PLCB1: variants seen among roughly 807,000 people sequenced by gnomAD.
The protein encoded by PLCB1 is 1-phosphatidylinositol 4,5-bisphosphate phosphodiesterase beta-1.
Under a neutral mutation model 161.8 loss-of-function variants are expected in PLCB1, and 46 were observed. That is an observed-to-expected ratio of 0.28 (90% CI 0.22 to 0.36). The LOEUF is 0.36. PLCB1 is among the 10% of genes least tolerant of loss of function. The pLI, the probability that PLCB1 is intolerant of heterozygous loss-of-function variation, is 1.00. For synonymous variants in PLCB1, 517 were observed against 503.7 expected, an observed-to-expected ratio of 1.03 and a Z score of -0.35; for missense variants, 1,016 against 1,472.5, an observed-to-expected ratio of 0.69 and a Z score of 5.07.
At chr20:8,343,095 A>G (rs1368360960) in intron 2 of PLCB1, among the ~76,000 whole-genome samples, 2 of 152,102 alleles carry the variant, frequency 1.3e-5, no homozygotes, top group African/African-American at 2.4e-5. Context: ...CTTTTAGGAT[A>G]TTGTTGTTCA....
At chr20:8,674,126 C>G (rs1324020255) in intron 9 of PLCB1, among the ~76,000 whole-genome samples, 2 of 152,174 alleles carry the variant, frequency 1.3e-5, no homozygotes, top group African/African-American at 4.8e-5. Flanking sequence ...CTAAGACACT[C>G]CATCCTCATG....
At chr20:8,696,157 T>C (rs1990579178) in intron 10 of PLCB1, among the ~76,000 whole-genome samples, 1 of 152,250 alleles carries the variant, frequency 6.6e-6, no homozygotes, top group African/African-American at 2.4e-5. Flanking sequence ...GTACACTTGA[T>C]CCAATTTGAG....
chr20:8,316,957 G>GGCCCAGATATCTGTCTATACCCACCCCCT (rs1568629411), intron 2 of PLCB1, among the ~76,000 whole-genome samples: 8 of 132,026 alleles, frequency 6.1e-5, no homozygotes, highest in Non-Finnish European at 1.2e-4. Context: ...ACCCACCCCC[G>GGCCCAGATATCTGTCTATACCCACCCCCT]GCCCAGATAC....
rs919992565 is a variant in PLCB1 at position 8,132,867 on chromosome 20, C to A, written c.99+117C>A. On this transcript the variant is annotated intron_variant, in intron 1 of 31. Coordinates refer to ENST00000338037, the MANE Select transcript of PLCB1 (RefSeq NM_015192.4). The surrounding 1 kb of genome is among the most constrained non-coding windows in gnomAD (Gnocchi z 5.2). ...TGGGCGCACTGGGAGCGGGCAGGGG[C>A]AGCCTCGGGCGCACAGGTTGGCATC... 61 of 703,176 alleles carry A rather than the reference C, an allele frequency of 8.7e-5. No homozygotes were observed. In the African/African-American group the frequency reaches 9.9e-4, roughly 11 times the overall value. 43.6% of individuals were successfully genotyped at this position (703,176 alleles called of 1,614,324 possible).
chr20:8,819,106 G>C (rs1985214243), intron 31 of PLCB1, among the ~76,000 whole-genome samples: 1 of 152,148 alleles, frequency 6.6e-6, no homozygotes, highest in Non-Finnish European at 1.5e-5. Context: ...AGAACATAAA[G>C]ATTCATCACA....
chr20:8,672,833 T>C (rs1226327946), intron 9 of PLCB1, among the ~76,000 whole-genome samples: 4 of 152,076 alleles, frequency 2.6e-5, no homozygotes, highest in Non-Finnish European at 4.4e-5. Context: ...TACATTCAGC[T>C]GGGCACGGTG....
chr20:8,458,482 A>G (rs1291597509), intron 3 of PLCB1, among the ~76,000 whole-genome samples: 1 of 152,168 alleles, frequency 6.6e-6, no homozygotes, highest in Non-Finnish European at 1.5e-5. Context: ...ATGGGTAGAA[A>G]AAGGAAGCTT....
intron 3 of PLCB1, among the ~76,000 whole-genome samples, chr20:8,573,892 G>A (rs1211740851): frequency 2.0e-5 from 3 of 152,160 alleles, no homozygotes; most frequent in African/African-American, 7.2e-5. Context: ...GTTATTTCAG[G>A]GTAATTACAC....
chr20:8,366,215 C>T (rs943977395), intron 2 of PLCB1, among the ~76,000 whole-genome samples: 5 of 151,974 alleles, frequency 3.3e-5, no homozygotes, highest in African/African-American at 1.2e-4. Context: ...TGTTTTCCAG[C>T]TTTGTGGAAT....
chr20:8,250,920 G>A (rs1173496358), intron 2 of PLCB1, among the ~76,000 whole-genome samples: 1 of 151,896 alleles, frequency 6.6e-6, no homozygotes, highest in African/African-American at 2.4e-5. Flanking sequence ...AACAACATAG[G>A]AGACATAAGA....
chr20:8,641,734 C>T (rs765174342), intron 4 of PLCB1, among the ~76,000 whole-genome samples: 6 of 152,146 alleles, frequency 3.9e-5, no homozygotes, highest in Non-Finnish European at 5.9e-5. Context: ...GTGAAAGATA[C>T]CATATGTGAC....
At chr20:8,773,609 G>A (rs1171525326) in intron 26 of PLCB1, among the ~76,000 whole-genome samples, 1 of 152,182 alleles carries the variant, frequency 6.6e-6, no homozygotes, top group Non-Finnish European at 1.5e-5. Flanking sequence ...TGCCATTTGG[G>A]TAAAGATATC....
chr20:8,571,849 G>C (rs1315323496), intron 3 of PLCB1, among the ~76,000 whole-genome samples: 1 of 152,150 alleles, frequency 6.6e-6, no homozygotes, highest in Non-Finnish European at 1.5e-5. Context: ...TTAGTCATTA[G>C]GGCTGATTAC....
At chr20:8,650,503 T>C (rs1223290506) in intron 7 of PLCB1, among the ~76,000 whole-genome samples, 1 of 152,186 alleles carries the variant, frequency 6.6e-6, no homozygotes, top group East Asian at 1.9e-4. Context: ...GCACACTGCC[T>C]ATGGAGTAGC....
chr20:8,821,494 AAAAT>A (rs1479021822), intron 31 of PLCB1, among the ~76,000 whole-genome samples: 26,875 of 41,628 alleles, frequency 0.65, 9,574 homozygotes, highest in East Asian at 0.75. Context: ...AAAAAAAAAA[AAAAT>A]ATGTATATAT....
intron 3 of PLCB1, among the ~76,000 whole-genome samples, chr20:8,602,732 G>T (rs542686766): frequency 4.5e-4 from 68 of 152,346 alleles, no homozygotes; most frequent in Admixed American, 2.6e-3. Flanking sequence ...TAATTACAGT[G>T]ATGTCAAATA....
chr20:8,711,297 G>A (rs1342550154), intron 12 of PLCB1, among the ~76,000 whole-genome samples: 3 of 152,186 alleles, frequency 2.0e-5, no homozygotes, highest in African/African-American at 4.8e-5. Context: ...GCCAGCAAAT[G>A]TTTGCCTCTG....
intron 7 of PLCB1, among the ~76,000 whole-genome samples, chr20:8,651,190 G>A (rs1415336538): frequency 6.6e-6 from 1 of 152,092 alleles, no homozygotes; most frequent in African/African-American, 2.4e-5. Flanking sequence ...AAGAACCTTT[G>A]AGCCCCTCAA....
In PLCB1 at chr20:8,392,943, G is replaced by T. The variant is rs185113273; in HGVS notation, c.246+21493G>T. The stretch of plus-strand genomic sequence containing the variant: ...TGGCAATTAAGATAGTAACATATTT[G>T]CCACTTAACAGATATTTGTTAATGA... On this transcript the variant is annotated intron_variant, in intron 3 of 31. Coordinates refer to ENST00000338037, the MANE Select transcript of PLCB1 (RefSeq NM_015192.4). Among the ~76,000 whole-genome samples the T allele has an allele frequency of 8.0e-4, 122 of 152,120 alleles. 1 individual carries two copies. Among genetic ancestry groups the T allele is most frequent in the Non-Finnish European group, 1.6e-4 (11 of 67,994 alleles).
Sources: gnomAD v4.1 joint callset for allele counts (sites outside exome capture counted in the v4.1 genomes callset) on GRCh38, gnomAD v4.1.1 for gene constraint, Gnocchi (gnomAD v3.1) non-coding constraint, MANE v1.5 for transcripts, NCBI Gene and HGNC (gene_info 2026-07-23, HGNC 2026-07-21) for gene names.